The following ARX variants were observed in gnomAD, a reference collection of about 807,000 sequenced individuals.
The protein encoded by ARX is aristaless related homeobox.
A neutral mutation model predicts 23.1 loss-of-function variants in ARX; 1 was observed. That is an observed-to-expected ratio of 0.04 (90% CI 0.02 to 0.21). The LOEUF is 0.21. Ranked by LOEUF, ARX falls within the 10% of genes least tolerant of loss-of-function variation. ARX has a pLI of 1.00. For missense variants in ARX, 380 were observed against 527.5 expected (o/e 0.72, Z 2.74); for synonymous variants, 301 against 270.1 (o/e 1.11, Z -1.12).
At chrX:25,006,424 A>G (rs2048678286) in intron 4 of ARX, 1 of 113,086 alleles carries the variant, frequency 8.8e-6, no homozygotes, top group Non-Finnish European at 1.9e-5. Context: ...TCACTGCGCT[A>G]ACACAATACA....
In ARX at chrX:25,007,238, AGGCGGCGGC is replaced by A. The variant is rs398124508; in HGVS notation, c.1312_1320del (p.Ala438_Ala440del). 13 of 1,126,823 alleles carry A rather than the reference AGGCGGCGGC, an allele frequency of 1.2e-5. No individual in the cohort carries two copies. Among genetic ancestry groups the A allele is most frequent in the African/African-American group, 1.9e-5 (1 of 52,554 alleles). The allele number at this position is 1,126,823 out of a possible 1,213,427, so 92.9% of individuals were successfully genotyped here. A position where few individuals can be genotyped will look rare whatever the true frequency, so the allele number is the denominator to read the frequency against. On this transcript the variant is annotated inframe_deletion, in exon 4 of 5. Coordinates refer to ENST00000379044, the MANE Select transcript of ARX (RefSeq NM_139058.3). ...CCCGGAGGCGGAGGTAGGCTCGGGA[AGGCGGCGGC>A]GGCGGCGGCGGCAGCGGCAGTCCAA...
rs1457243550 is a variant in ARX, at chrX:25,015,957, A to C, written c.-220T>G. ...CTCCGCGCTCAGGACAAGCGGTAAC[A>C]AGTGTAGTGAGCAGCGGGCGCTGAG... On this transcript the variant is annotated 5_prime_UTR_variant, in exon 1 of 5. Transcript: ENST00000379044. 2.1e-5 allele frequency: 9 copies of C among 436,129 alleles called. No individual in the cohort carries two copies. The highest frequency in any genetic ancestry group is 3.2e-5 in the Non-Finnish European group (8 of 248,302). 35.9% of individuals were successfully genotyped at this position (436,129 alleles called of 1,213,427 possible).
intron 3 of ARX, among the ~76,000 whole-genome samples, chrX:25,008,996 G>A (rs1298473462): frequency 8.9e-6 from 1 of 112,375 alleles, no homozygotes; most frequent in African/African-American, 3.2e-5. Flanking sequence ...AGATGGGACC[G>A]GACTGGGTGG....
At chrX:25,006,579 TG>T (rs1281879115) in intron 4 of ARX, 1 of 54,018 alleles carries the variant, frequency 1.9e-5, no homozygotes, top group Non-Finnish European at 4.0e-5. Flanking sequence ...CTTGCACATA[TG>T]GGGGTGTCGT....
chrX:25,006,198 G>A (rs1252872022), intron 4 of ARX, among the ~76,000 whole-genome samples: 1 of 112,705 alleles, frequency 8.9e-6, no homozygotes, highest in East Asian at 2.8e-4. Context: ...CGGAGGTGGC[G>A]TAACATGCCC....
Position 25,013,221 on chromosome X carries a change from C to T in ARX, c.774G>A (p.Ala258=). ...GACAGCGCCGGGGCTCCTTGAGCAG[C>T]GCGCGGGCGTCGTCCTCCAGCAGCT... ...EEELLEDDAR[A]LLKEPRRCPV... Residue 258 remains alanine, a synonymous_variant, in exon 2 of 5, where the codon GCG becomes GCA. Coordinates refer to ENST00000379044, the MANE Select transcript of ARX (RefSeq NM_139058.3). 1 of 1,164,036 alleles carries T rather than the reference C, an allele frequency of 8.6e-7. No individual in the cohort carries two copies. The highest frequency in any genetic ancestry group is 1.1e-6 in the Non-Finnish European group (1 of 872,434).
At position 25,013,348 on chromosome X, in the gene ARX, G is replaced by C. The variant is rs2048710701; in HGVS notation, c.647C>G (p.Ala216Gly). 1.7e-6 allele frequency: 2 copies of C among 1,147,444 alleles called. No individual in the cohort carries two copies. Among genetic ancestry groups the C allele is most frequent in the South Asian group, 3.9e-5 (2 of 51,720 alleles). 94.6% of individuals were successfully genotyped at this position (1,147,444 alleles called of 1,213,427 possible). A position where few individuals can be genotyped will look rare whatever the true frequency, so the allele number is the denominator to read the frequency against. ...CTCGGTGCCGGTGCCACCACCCGCA[G>C]CCGGGGCGCTGCCCGGGCCGCCGGC... ...GVAGGPGSAP[A>G]AGGGTGTEDD... Residue 216 changes from alanine (A) to glycine (G), a missense_variant, in exon 2 of 5, where the codon GCT becomes GGT. Physicochemically the swap from Ala to Gly is moderately conservative, Grantham distance 60. Coordinates refer to ENST00000379044, the MANE Select transcript of ARX (RefSeq NM_139058.3).
intron 2 of ARX, among the ~76,000 whole-genome samples, chrX:25,011,522 A>C (rs768910651): frequency 1.6e-4 from 18 of 113,248 alleles, no homozygotes; most frequent in Non-Finnish European, 2.6e-4. Context: ...CGATAAACGC[A>C]AAACGCTGGT....
intron 2 of ARX, 123 bp from the exon 3 acceptor site, chrX:25,010,428 C>A: frequency 1.2e-6 from 1 of 830,065 alleles, no homozygotes; most frequent in Non-Finnish European, 1.8e-6. Context: ...GCCCCCCACC[C>A]CCAAACATAT....
At chrX:25,009,047 C>T (rs775897497) in intron 3 of ARX, among the ~76,000 whole-genome samples, 8 of 112,036 alleles carry the variant, frequency 7.1e-5, no homozygotes, top group Admixed American at 9.4e-5. Flanking sequence ...CAAGAATATC[C>T]GCCACTCCTT....
intron 3 of ARX, among the ~76,000 whole-genome samples, chrX:25,009,051 A>T (rs2048690819): frequency 9.0e-6 from 1 of 111,681 alleles, no homozygotes; most frequent in Admixed American, 9.5e-5. Context: ...AATATCCGCC[A>T]CTCCTTGATC....
chrX:25,013,589 C>T lies in ARX; in HGVS notation c.406G>A (p.Gly136Arg), dbSNP rs2147324260. The change falls in exon 2 of 5, where the codon GGG becomes AGG. Residue 136 changes from glycine (G) to arginine (R), a missense_variant. Physicochemically the swap from Gly to Arg is moderately radical, Grantham distance 125. This residue lies in a region of ARX where 235 missense variants were observed against 270.2 expected (regional missense o/e 0.87). Transcript: ENST00000379044. ...GCCCCTGCGCCGTCCGGCCGTTCCC[C>T]GGGCCGCGCGGTTGGCGGTGGCGGC... ...PPPPPPTARP[G>R]ERPDGAGAAA... 1 of 753,469 alleles carries T rather than the reference C, an allele frequency of 1.3e-6. No individual in the cohort carries two copies. The highest frequency in any genetic ancestry group is 1.6e-6 in the Non-Finnish European group (1 of 640,124). The allele number at this position is 753,469 out of a possible 1,213,427, so 62.1% of individuals were successfully genotyped here. A position where few individuals can be genotyped will look rare whatever the true frequency, so the allele number is the denominator to read the frequency against.
At position 25,004,216 on chromosome X, in the gene ARX, G is replaced by C. The variant is rs1417247704; in HGVS notation, c.*454C>G. 1 of 119,506 alleles carries C rather than the reference G, an allele frequency of 8.4e-6. No individual in the cohort carries two copies. Among genetic ancestry groups the C allele is most frequent in the African/African-American group, 3.4e-5 (1 of 29,738 alleles). 9.8% of individuals were successfully genotyped at this position (119,506 alleles called of 1,213,427 possible). ...CTTCCCGGGCCCTGGCTTCACGCTG[G>C]GGCCCTCGCTGGGGAGATCAACTTC... On this transcript the variant is annotated 3_prime_UTR_variant, in exon 5 of 5. Transcript: ENST00000379044.
Position 25,007,447 on chromosome X carries a change from G to A in ARX, c.1120-8C>T. On this transcript the variant is annotated splice_region_variant and splice_polypyrimidine_tract_variant and intron_variant, in intron 3 of 4. Transcript: ENST00000379044. ...ACGGTTCTGGAACCAGACCTGCAAG[G>A]CAGAGAGAGCCCAGGGTCGGCGCGG... 1 of 1,156,966 alleles carries A rather than the reference G, an allele frequency of 8.6e-7. No individual in the cohort carries two copies. Among genetic ancestry groups the A allele is most frequent in the African/African-American group, 1.8e-5 (1 of 55,424 alleles).
Position 25,013,659 on chromosome X carries a change from TGCCGCCGCC to T in ARX, c.327_335del (p.Ala113_Ala115del), listed in dbSNP as rs387906492. ...GACCCGCCGTGGCCGTGGCGGCCGC[TGCCGCCGCC>T]GCCGCCGCCGCCGCCGCCGCCGCTG... is the stretch of plus-strand genomic sequence containing the variant. On this transcript the variant is annotated inframe_deletion, in exon 2 of 5. Coordinates refer to ENST00000379044, the MANE Select transcript of ARX (RefSeq NM_139058.3). The T allele has an allele frequency of 4.8e-4, 368 of 770,724 alleles. No homozygotes were observed. Among genetic ancestry groups the T allele is most frequent in the Non-Finnish European group, 5.3e-4 (348 of 653,781 alleles). The allele number at this position is 770,724 out of a possible 1,213,427, so 63.5% of individuals were successfully genotyped here.
intron 3 of ARX, among the ~76,000 whole-genome samples, chrX:25,007,813 C>A (rs376301536): frequency 7.2e-5 from 8 of 111,472 alleles, no homozygotes; most frequent in African/African-American, 2.0e-4. Flanking sequence ...CTCTGAACCT[C>A]AGTTTTCGAA....
At chrX:25,005,482 G>A (rs2048674017) in intron 4 of ARX, among the ~76,000 whole-genome samples, 1 of 112,547 alleles carries the variant, frequency 8.9e-6, no homozygotes, top group Non-Finnish European at 1.9e-5. Flanking sequence ...CGGCCTCCCG[G>A]GCCACCCGCG....
chrX:25,015,059 G>T (rs1326131535), intron 1 of ARX, among the ~76,000 whole-genome samples: 2 of 112,077 alleles, frequency 1.8e-5, no homozygotes, highest in African/African-American at 6.5e-5. Flanking sequence ...GGGTTTAAAA[G>T]GTCACAAGTA....
At chrX:25,007,502 C>T in intron 3 of ARX, 63 bp from the exon 4 acceptor site, 3 of 1,104,068 alleles carry the variant, frequency 2.7e-6, no homozygotes, top group East Asian at 3.5e-5. Flanking sequence ...CGGGCCCCTA[C>T]CCGTCCCTTC....
Sources: gnomAD v4.1 joint callset for allele counts (sites outside exome capture counted in the v4.1 genomes callset) on GRCh38, gnomAD v4.1.1 for gene constraint, gnomAD v4.1.1 regional missense constraint, MANE v1.5 for transcripts, NCBI Gene and HGNC (gene_info 2026-07-23, HGNC 2026-07-21) for gene names.